The following SH3BP2 variants were observed in gnomAD, a reference collection of about 807,000 sequenced individuals.
SH3BP2 encodes the protein SH3 domain-binding protein 2.
SH3BP2 carries 38 observed loss-of-function variants against 56.2 expected under a neutral mutation model. The ratio of observed to expected loss-of-function variants is 0.68; its 90% CI spans 0.52 to 0.89. The LOEUF is 0.89. SH3BP2 is among the 40% of genes least tolerant of loss of function. The probability of loss-of-function intolerance (pLI) is 0.00; values close to 1 mark genes in which losing one functional copy is unlikely to be tolerated. For missense variants in SH3BP2, 748 were observed against 762.6 expected (o/e 0.98, Z 0.23); for synonymous variants, 346 against 316.7 (o/e 1.09, Z -0.98).
At position 2,833,863 on chromosome 4, in the gene SH3BP2, G is replaced by A; in HGVS notation, c.*29G>A. 6.5e-7 allele frequency: 1 copy of A among 1,542,094 alleles called. No homozygotes were observed. The highest frequency in any genetic ancestry group is 2.4e-5 in the East Asian group (1 of 41,244). ...CAGTCCATGTGGCTGCCAGGCCAAG[G>A]CAGTCACAGGGGCCCTGACCCCAGG... On this transcript the variant is annotated 3_prime_UTR_variant, in exon 13 of 13. Transcript: ENST00000503393.
intron 4 of SH3BP2, 79 bp downstream of exon 4, chr4:2,824,809 G>T: frequency 9.0e-7 from 1 of 1,115,714 alleles, no homozygotes; most frequent in Non-Finnish European, 1.4e-6. Flanking sequence ...TGCCTTGGGG[G>T]CTCGCTGGTC....
rs1577366721 is a variant in SH3BP2, at chr4:2,829,210, A to C, written c.587-283A>C. On this transcript the variant is annotated intron_variant, in intron 7 of 12. Coordinates refer to ENST00000503393, the MANE Select transcript of SH3BP2 (RefSeq NM_001122681.2). The surrounding 1 kb of genome is among the most constrained non-coding windows in gnomAD (Gnocchi z 4.9). ...ACTTCTCTTCCTTTCTCTTCCTTCC[A>C]CCTCTGGGAACCTGATGGGCTCCTC... Among the ~76,000 whole-genome samples, 3 of 148,486 alleles carry C rather than the reference A, an allele frequency of 2.0e-5. No homozygotes were observed. The highest frequency in any genetic ancestry group is 5.0e-5 in the African/African-American group (2 of 39,994).
rs1452603508 is a variant in SH3BP2, at chr4:2,819,932, GTCCTCCACTGA to G, written c.-4-681_-4-671del. On this transcript the variant is annotated intron_variant, in intron 1 of 12. Coordinates refer to ENST00000503393, the MANE Select transcript of SH3BP2 (RefSeq NM_001122681.2). ...TGGGTTAGCCCCAAGGCAGTCACTG[GTCCTCCACTGA>G]CTGTGTGGTCCTCGCTTGGGCTCAG... Among the ~76,000 whole-genome samples the G allele has an allele frequency of 2.6e-5, 4 of 152,292 alleles. No individual in the cohort carries two copies. The East Asian group carries it at 7.7e-4, about 29-fold the overall frequency.
rs1230909014 is a variant in SH3BP2 at position 2,838,818 on chromosome 4, G to C, written c.*4984G>C. 6.6e-6 allele frequency: 1 copy of C among 152,126 alleles called. No individual in the cohort carries two copies. The highest frequency in any genetic ancestry group is 1.5e-5 in the Non-Finnish European group (1 of 68,030). 9.4% of individuals were successfully genotyped at this position (152,126 alleles called of 1,614,324 possible). A position where few individuals can be genotyped will look rare whatever the true frequency, so the allele number is the denominator to read the frequency against. Reference sequence around the variant, plus strand: ...ACACAATGCTGCTAGCAACAGTTTTGTCCATGTCTCTGATGCACGTGTGTT... The same window carrying C: ...ACACAATGCTGCTAGCAACAGTTTTCTCCATGTCTCTGATGCACGTGTGTT... On this transcript the variant is annotated 3_prime_UTR_variant, in exon 13 of 13. Transcript: ENST00000503393.
In SH3BP2 at chr4:2,831,827, A is replaced by C; in HGVS notation, c.1351-96A>C. On this transcript the variant is annotated intron_variant, in intron 9 of 12. Coordinates refer to ENST00000503393, the MANE Select transcript of SH3BP2 (RefSeq NM_001122681.2). This position sits in a 1 kb window ranked among gnomAD's most constrained non-coding sequence, Gnocchi z 4.1. ...CCTAGGGGGACACAGCACCATGTAA[A>C]GCCCCGGATCCCGGCACCGGGTGGC... 1 of 1,442,992 alleles carries C rather than the reference A, an allele frequency of 6.9e-7. No individual in the cohort carries two copies. Among genetic ancestry groups the C allele is most frequent in the Non-Finnish European group, 9.6e-7 (1 of 1,040,418 alleles). 89.4% of individuals were successfully genotyped at this position (1,442,992 alleles called of 1,614,324 possible).
intron 1 of SH3BP2, chr4:2,819,045 G>A (rs890468112): frequency 8.0e-6 from 2 of 248,964 alleles, no homozygotes; most frequent in African/African-American, 4.6e-5. Flanking sequence ...CGATCCTCCT[G>A]GATAAGCCTC....
rs750263899 is a variant in SH3BP2, at chr4:2,833,756, G to A, written c.1608G>A (p.Glu536=). The A allele has an allele frequency of 3.1e-6, 5 of 1,605,644 alleles. No homozygotes were observed. Among genetic ancestry groups the A allele is most frequent in the Non-Finnish European group, 3.4e-6 (4 of 1,176,328 alleles). The change falls in exon 13 of 13, where the codon GAG becomes GAA. Residue 536 remains glutamate (E), a synonymous_variant. Transcript: ENST00000503393. ...VLFVSVGSMV[E]HYHTHVLPSH... is the part of the protein sequence containing the mutation. ...TTGTGAGTGTGGGCAGCATGGTGGA[G>A]CACTACCACACCCACGTGCTGCCCA...
chr4:2,823,065 C>T (rs747239891), intron 3 of SH3BP2, 28 bp downstream of exon 3: 26 of 1,528,524 alleles, frequency 1.7e-5, no homozygotes, highest in Middle Eastern at 1.7e-4. Context: ...CTGCTGACCT[C>T]GGGCCCCCAC....
At chr4:2,814,554 C>T (rs1723909574) in intron 1 of SH3BP2, among the ~76,000 whole-genome samples, 1 of 152,216 alleles carries the variant, frequency 6.6e-6, no homozygotes, top group Admixed American at 6.5e-5. Flanking sequence ...ATGCAAATCT[C>T]CACGTGTGCA....
At chr4:2,805,182 A>G (rs382379) in intron 1 of SH3BP2, among the ~76,000 whole-genome samples, 74,561 of 152,124 alleles carry the variant, frequency 0.49, 18,380 homozygotes, top group Admixed American at 0.55. Context: ...TGCCCGGCAG[A>G]TTTCCTACCT....
At chr4:2,827,025 A>G (rs763907817) in intron 5 of SH3BP2, 1 of 684,634 alleles carries the variant, frequency 1.5e-6, no homozygotes, top group South Asian at 1.5e-5. Flanking sequence ...CCATGTGTGC[A>G]TGTGTGTGTC....
chr4:2,833,479 A>G, intron 12 of SH3BP2: 1 of 640,048 alleles, frequency 1.6e-6, no homozygotes, highest in Admixed American at 2.5e-5. Context: ...CTCTGGGTGC[A>G]GGCTCCTGGA....
intron 1 of SH3BP2, among the ~76,000 whole-genome samples, chr4:2,794,992 G>A (rs1181992742): frequency 6.6e-6 from 1 of 152,096 alleles, no homozygotes; most frequent in Non-Finnish European, 1.5e-5. Flanking sequence ...GTTTCCAGCT[G>A]TGTGATCATG....
At position 2,825,107 on chromosome 4, in the gene SH3BP2, C is replaced by CA. The variant is rs1724528570; in HGVS notation, c.358-18dup. 2 of 1,559,790 alleles carry CA rather than the reference C, an allele frequency of 1.3e-6. No homozygotes were observed. The highest frequency in any genetic ancestry group is 1.7e-6 in the Non-Finnish European group (2 of 1,151,566). ...CACCCTGGTGGCACCGTGCCCACCA[C>CA]AGCCCCGCTGACCTGCAGAGCTGGA... On this transcript the variant is annotated intron_variant, in intron 4 of 12. Coordinates refer to ENST00000503393, the MANE Select transcript of SH3BP2 (RefSeq NM_001122681.2).
chr4:2,840,019 G>A lies in SH3BP2; in HGVS notation c.*6185G>A, dbSNP rs986124505. On this transcript the variant is annotated 3_prime_UTR_variant, in exon 13 of 13. Coordinates refer to ENST00000503393, the MANE Select transcript of SH3BP2 (RefSeq NM_001122681.2). The stretch of plus-strand genomic sequence containing the variant: ...GCAGGAGGATTACTTGAGCTCAGGA[G>A]TTTGAGACCAACCTGGACAACATGG... 7.9e-5 allele frequency: 12 copies of A among 151,958 alleles called. No individual in the cohort carries two copies. Among genetic ancestry groups the A allele is most frequent in the African/African-American group, 2.9e-4 (12 of 41,362 alleles). The allele number at this position is 151,958 out of a possible 1,614,324, so 9.4% of individuals were successfully genotyped here.
At position 2,831,620 on chromosome 4, in the gene SH3BP2, C is replaced by T. The variant is rs1486769271; in HGVS notation, c.1291C>T (p.Pro431Ser). 2 of 1,605,336 alleles carry T rather than the reference C, an allele frequency of 1.2e-6. No individual in the cohort carries two copies. The highest frequency in any genetic ancestry group is 2.2e-5 in the East Asian group (1 of 44,522). Residue 431 changes from proline (P) to serine (S), a missense_variant, in exon 9 of 13, where the codon CCC becomes TCC. Physicochemically the swap from Pro to Ser is moderately conservative, Grantham distance 74. Coordinates refer to ENST00000503393, the MANE Select transcript of SH3BP2 (RefSeq NM_001122681.2). The surrounding 1 kb of genome is among the most constrained non-coding windows in gnomAD (Gnocchi z 4.1). ...QSFRSFSFEKPRQPSQADTGG... is the reference protein window; with the variant it reads ...QSFRSFSFEKSRQPSQADTGG... ...TTTCAGGAGCTTCTCCTTTGAAAAG[C>T]CCCGGCAACCCTCACAGGCTGACAC...
At chr4:2,808,684 C>G (rs1417710113) in intron 1 of SH3BP2, among the ~76,000 whole-genome samples, 1 of 152,034 alleles carries the variant, frequency 6.6e-6, no homozygotes, top group African/African-American at 2.4e-5. Context: ...GGACCCAGGC[C>G]CCATGGGAGG....
At chr4:2,818,173 C>T (rs1418999981) in intron 1 of SH3BP2, 87 of 979,870 alleles carry the variant, frequency 8.9e-5, no homozygotes, top group Non-Finnish European at 1.0e-4. Context: ...CCCGCCCAGT[C>T]CCCCGCCGAG....
rs231402 is a variant in SH3BP2, at chr4:2,820,740, G to T, written c.123G>T (p.Leu41=). ...GYLHKKGGTQ[L]QLLKWPLRFV... ...TGCACAAGAAGGGCGGTACCCAGCT[G>T]CAGCTGCTGAAATGTGAGTCCCTGG... Residue 41 remains leucine, a synonymous_variant, in exon 2 of 13, where the codon CTG becomes CTT. Transcript: ENST00000503393. The T allele has an allele frequency of 0.44, 710,223 of 1,612,980 alleles. 161,294 individuals carry two copies. The highest frequency in any genetic ancestry group is 0.58 in the Admixed American group (34,487 of 59,804).
Sources: allele counts gnomAD v4.1 joint callset (sites outside exome capture counted in the v4.1 genomes callset), GRCh38; gene constraint gnomAD v4.1.1; non-coding constraint Gnocchi (gnomAD v3.1); transcripts MANE v1.5; gene names NCBI Gene and HGNC (gene_info 2026-07-23, HGNC 2026-07-21).